KIF22: variants seen among roughly 807,000 people sequenced by gnomAD.
The protein encoded by KIF22 is kinesin-like protein KIF22.
In KIF22, 62 loss-of-function variants were observed where a neutral mutation model predicts 73.0. The ratio of observed to expected loss-of-function variants is 0.85; its 90% CI spans 0.69 to 1.05. The LOEUF (loss-of-function observed/expected upper bound fraction) is 1.05. KIF22 is among the 50% of genes least tolerant of loss of function. The probability of loss-of-function intolerance (pLI) is 0.00; values close to 1 mark genes in which losing one functional copy is unlikely to be tolerated. For synonymous variants in KIF22, 411 were observed against 340.1 expected (o/e 1.21, Z -2.29); for missense variants, 854 against 870.1 (o/e 0.98, Z 0.23).
intron 9 of KIF22, 49 bp from the exon 10 acceptor site, chr16:29,803,400 C>G (rs1380814158): frequency 1.9e-6 from 3 of 1,605,116 alleles, no homozygotes; most frequent in Non-Finnish European, 2.6e-6. Context: ...TCCCTTCAGG[C>G]TGCCCTGGAG....
chr16:29,792,066 G>C (rs908922167), intron 1 of KIF22, among the ~76,000 whole-genome samples: 2 of 152,200 alleles, frequency 1.3e-5, no homozygotes, highest in African/African-American at 4.8e-5. Flanking sequence ...ACTTCATTAA[G>C]GGAGTGAATG....
chr16:29,796,685 A>G (rs1436592123), intron 1 of KIF22, among the ~76,000 whole-genome samples: 1 of 152,130 alleles, frequency 6.6e-6, no homozygotes, highest in Non-Finnish European at 1.5e-5. Flanking sequence ...TATACATTAC[A>G]GTCTGAGAAG....
Position 29,805,253 on chromosome 16 carries a change from T to TG in KIF22, c.1951-9dup. ...CTAACGTCGCTGTCTCCCTCCCTCC[T>TG]GTGTTGCAGGCAAACATCCTGGGTC... On this transcript the variant is annotated splice_polypyrimidine_tract_variant and intron_variant, in intron 13 of 13. Coordinates refer to ENST00000160827, the MANE Select transcript of KIF22 (RefSeq NM_007317.3). The TG allele has an allele frequency of 6.3e-7, 1 of 1,595,312 alleles. No individual in the cohort carries two copies. Among genetic ancestry groups the TG allele is most frequent in the Non-Finnish European group, 8.5e-7 (1 of 1,179,816 alleles).
rs770774491 is a variant in KIF22, at chr16:29,799,606, C to CA, written c.991-21dup. The CA allele has an allele frequency of 1.1e-5, 17 of 1,613,646 alleles. No individual in the cohort carries two copies. The Admixed American group carries it at 2.5e-4, about 24-fold the overall frequency. On this transcript the variant is annotated intron_variant, in intron 6 of 13. Coordinates refer to ENST00000160827, the MANE Select transcript of KIF22 (RefSeq NM_007317.3). Reference sequence around the variant, plus strand: ...AGGAAGGCTGGGCTTCTGACCCACCCACTGCCTGGTCTCACCCTCAGGACT... The same window carrying CA: ...AGGAAGGCTGGGCTTCTGACCCACCCAACTGCCTGGTCTCACCCTCAGGACT...
intron 1 of KIF22, among the ~76,000 whole-genome samples, chr16:29,794,003 T>C (rs1418705890): frequency 6.6e-6 from 1 of 152,116 alleles, no homozygotes; most frequent in African/African-American, 2.4e-5. Flanking sequence ...CAGAAGCAAG[T>C]TGCAGGGATG....
chr16:29,793,705 G>A (rs982528419), intron 1 of KIF22, among the ~76,000 whole-genome samples: 1 of 152,058 alleles, frequency 6.6e-6, no homozygotes, highest in Non-Finnish European at 1.5e-5. Context: ...TATGCTAACA[G>A]TCTAAATGCA....
chr16:29,803,557 G>T lies in KIF22; in HGVS notation c.1558G>T (p.Val520Phe). 1 of 1,613,680 alleles carries T rather than the reference G, an allele frequency of 6.2e-7. No individual in the cohort carries two copies. Among genetic ancestry groups the T allele is most frequent in the Non-Finnish European group, 8.5e-7 (1 of 1,179,750 alleles). ...TMLRPLSHRT[V>F]TGAKPLKKAV... ...GCTCCGGCCCCTTTCACATCGCACA[G>T]TCACAGGGGCAAAGCCCCTGAAAAA... The change falls in exon 10 of 14, where the codon GTC becomes TTC. Residue 520 changes from valine to phenylalanine, a missense_variant. Transcript: ENST00000160827.
rs1898972029 is a variant in KIF22 at position 29,797,068 on chromosome 16, CCAGGAGACTCTCAAATACCAGT to C, written c.247_266+2del. ...TAGAGATTGCTAACTGGAGGAACCA[CCAGGAGACTCTCAAATACCAGT>C]AAGGTTCAGGCCACTCCTCTTCCCT... On this transcript the variant is annotated splice_donor_variant and coding_sequence_variant, in exon 2 of 14. Coordinates refer to ENST00000160827, the MANE Select transcript of KIF22 (RefSeq NM_007317.3). LOFTEE classifies it high-confidence loss of function. This position sits in a 1 kb window ranked among gnomAD's most constrained non-coding sequence, Gnocchi z 4.1. The C allele has an allele frequency of 6.3e-7, 1 of 1,594,460 alleles. No individual in the cohort carries two copies. The highest frequency in any genetic ancestry group is 8.6e-7 in the Non-Finnish European group (1 of 1,167,880).
At position 29,797,216 on chromosome 16, in the gene KIF22, T is replaced by C. The variant is rs1319516766; in HGVS notation, c.266+128T>C. The C allele has an allele frequency of 1.2e-5, 8 of 670,034 alleles. No homozygotes were observed. The allele number at this position is 670,034 out of a possible 1,614,324, so 41.5% of individuals were successfully genotyped here. A position where few individuals can be genotyped will look rare whatever the true frequency, so the allele number is the denominator to read the frequency against. ...CGCTTTGTTCCCTGAGCCTTCACTG[T>C]TCACTTAGGAAATGTTGACAGGTGC... is the stretch of plus-strand genomic sequence containing the variant. On this transcript the variant is annotated intron_variant, in intron 2 of 13. Coordinates refer to ENST00000160827, the MANE Select transcript of KIF22 (RefSeq NM_007317.3). The surrounding 1 kb of genome is among the most constrained non-coding windows in gnomAD (Gnocchi z 4.1).
intron 6 of KIF22, 25 bp from the exon 7 acceptor site, chr16:29,799,601 CCA>C (rs1182781393): frequency 2.5e-6 from 4 of 1,613,434 alleles, no homozygotes; most frequent in Non-Finnish European, 2.5e-6. Flanking sequence ...GGCTTCTGAC[CCA>C]CCCACTGCCT....
intron 1 of KIF22, 94 bp downstream of exon 1, chr16:29,790,923 G>T (rs954885244): frequency 6.5e-7 from 1 of 1,528,076 alleles, no homozygotes; most frequent in East Asian, 2.5e-5. Flanking sequence ...GCGGGTTGTC[G>T]CGGAGAGGCG....
chr16:29,798,397 G>A lies in KIF22; in HGVS notation c.290G>A (p.Arg97Lys), dbSNP rs749908842. 1.5e-5 allele frequency: 23 copies of A among 1,565,284 alleles called. No homozygotes were observed. In the South Asian group the frequency reaches 2.4e-4, roughly 17 times the overall value. ...KYQFDAFYGE[R>K]STQQDIYAGS... ...AGGTTTGATGCCTTCTATGGGGAGA[G>A]GAGTACTCAGCAGGACATCTATGCA... Residue 97 changes from arginine (R) to lysine (K), a missense_variant, in exon 3 of 14, where the codon AGG (arginine) becomes AAG (lysine). By Grantham distance (26) the Arg-to-Lys change is conservative (BLOSUM62 2). Coordinates refer to ENST00000160827, the MANE Select transcript of KIF22 (RefSeq NM_007317.3). This position sits in a 1 kb window ranked among gnomAD's most constrained non-coding sequence, Gnocchi z 4.1.
At chr16:29,803,080 T>C in intron 9 of KIF22, 143 bp downstream of exon 9, 1 of 826,158 alleles carries the variant, frequency 1.2e-6, no homozygotes, top group East Asian at 2.6e-5. Flanking sequence ...TCTGCTTGAA[T>C]GTCCTTAACA....
rs1346614313 is a variant in KIF22, at chr16:29,798,554, G to C, written c.395-39G>C. The C allele has an allele frequency of 7.4e-6, 12 of 1,613,698 alleles. No individual in the cohort carries two copies. Among genetic ancestry groups the C allele is most frequent in the Non-Finnish European group, 9.3e-6 (11 of 1,179,888 alleles). Reference sequence around the variant, plus strand: ...TGGGTCAGAAAGGGCTGGGGAAACGGAGAGGAAAACCTCACAGTTTTCTCC... The same window carrying C: ...TGGGTCAGAAAGGGCTGGGGAAACGCAGAGGAAAACCTCACAGTTTTCTCC... On this transcript the variant is annotated intron_variant, in intron 3 of 13. Transcript: ENST00000160827. This position sits in a 1 kb window ranked among gnomAD's most constrained non-coding sequence, Gnocchi z 4.1.
intron 8 of KIF22, among the ~76,000 whole-genome samples, chr16:29,801,281 T>C (rs775188821): frequency 2.0e-5 from 3 of 152,182 alleles, no homozygotes; most frequent in Non-Finnish European, 4.4e-5. Flanking sequence ...ACTTAGCCCT[T>C]GCGCTATTCC....
rs11545427 is a variant in KIF22, at chr16:29,805,154, C to A, written c.1930C>A (p.Gln644Lys). ...LERVEGITGK[Q>K]MESFLKANIL... ...ACGCGTGGAGGGCATAACGGGGAAA[C>A]AGATGGAGTCCTTCCTGAAGGTGAA... is the stretch of plus-strand genomic sequence containing the variant. The change falls in exon 13 of 14, where the codon CAG (glutamine) becomes AAG (lysine). Residue 644 changes from glutamine (Q) to lysine (K), a missense_variant. Coordinates refer to ENST00000160827, the MANE Select transcript of KIF22 (RefSeq NM_007317.3). The A allele has an allele frequency of 8.1e-6, 13 of 1,613,872 alleles. No homozygotes were observed. In the Admixed American group the frequency reaches 2.2e-4, roughly 27 times the overall value.
intron 8 of KIF22, 22 bp downstream of exon 8, chr16:29,800,070 G>T (rs770819410): frequency 6.3e-7 from 1 of 1,597,396 alleles, no homozygotes; most frequent in South Asian, 1.1e-5. Context: ...GGCCTTGGGT[G>T]TATCCCCTTC....
At chr16:29,795,711 CTTTT>C (rs1227908789) in intron 1 of KIF22, among the ~76,000 whole-genome samples, 1 of 152,012 alleles carries the variant, frequency 6.6e-6, no homozygotes, top group African/African-American at 2.4e-5. Flanking sequence ...GAGGGCTTTT[CTTTT>C]TTTAAGTTTT....
rs944418938 is a variant in KIF22, at chr16:29,805,149, G to T, written c.1925G>T (p.Gly642Val). Reference sequence around the variant, plus strand: ...CTGGAACGCGTGGAGGGCATAACGGGGAAACAGATGGAGTCCTTCCTGAAG... The same window carrying T: ...CTGGAACGCGTGGAGGGCATAACGGTGAAACAGATGGAGTCCTTCCTGAAG... ...EDLERVEGIT[G>V]KQMESFLKAN... The change falls in exon 13 of 14, where the codon GGG becomes GTG. Residue 642 changes from glycine (G) to valine (V), a missense_variant. Coordinates refer to ENST00000160827, the MANE Select transcript of KIF22 (RefSeq NM_007317.3). The T allele has an allele frequency of 3.2e-5, 51 of 1,613,806 alleles. 1 individual carries two copies. The highest frequency in any genetic ancestry group is 4.3e-5 in the Non-Finnish European group (51 of 1,180,020).
Sources: gnomAD v4.1 joint callset for allele counts (sites outside exome capture counted in the v4.1 genomes callset) on GRCh38, gnomAD v4.1.1 for gene constraint, Gnocchi (gnomAD v3.1) non-coding constraint, MANE v1.5 for transcripts, NCBI Gene and HGNC (gene_info 2026-07-23, HGNC 2026-07-21) for gene names.